The following UNC79 variants were observed in gnomAD, a reference collection of about 807,000 sequenced individuals.
UNC79 encodes the protein protein unc-79 homolog.
Under a neutral mutation model 283.1 loss-of-function variants are expected in UNC79, and 37 were observed. That is an observed-to-expected ratio of 0.13 (90% CI 0.10 to 0.17). UNC79 has a LOEUF of 0.17. Ranked by LOEUF, UNC79 falls within the 10% of genes least tolerant of loss-of-function variation. UNC79 has a pLI of 1.00. For missense variants in UNC79, 2,272 were observed against 3,211.1 expected (o/e 0.71, Z 7.07); for synonymous variants, 1,107 against 1,200.2 (o/e 0.92, Z 1.61).
intron 14 of UNC79, among the ~76,000 whole-genome samples, chr14:93,558,786 C>T (rs1453967653): frequency 1.3e-5 from 2 of 151,818 alleles, no homozygotes; most frequent in African/African-American, 2.4e-5. Context: ...TGACCCTGTT[C>T]GCTGTGCCAT....
rs112518989 is a variant in UNC79, at chr14:93,520,936, C to A, written c.899-3042C>A. Among the ~76,000 whole-genome samples, 615 of 152,042 alleles carry A rather than the reference C, an allele frequency of 4.0e-3. 2 individuals carry two copies. The highest frequency in any genetic ancestry group is 0.014 in the African/African-American group (590 of 41,514). ...CTGGTTATGAGTGACATTTTACCCC[C>A]TTTTCAAATATCAAATAATTTTGAC... On this transcript the variant is annotated intron_variant, in intron 7 of 48. Transcript: ENST00000555664.
At chr14:93,636,246 T>C (rs918972158) in intron 31 of UNC79, among the ~76,000 whole-genome samples, 2 of 152,220 alleles carry the variant, frequency 1.3e-5, no homozygotes, top group African/African-American at 4.8e-5. Context: ...TCACTCTGGT[T>C]TGCCATTTAA....
rs573860262 is a variant in UNC79, at chr14:93,507,875, T to A, written c.898+10589T>A. ...CTGTCTTAAGTTTAATTTTTGTGTA[T>A]GATGGCTATGGCTTATTGTCTTCCT... On this transcript the variant is annotated intron_variant, in intron 7 of 48. Coordinates refer to ENST00000555664, the Ensembl canonical transcript of UNC79. Among the ~76,000 whole-genome samples, 39 of 152,166 alleles carry A rather than the reference T, an allele frequency of 2.6e-4. 1 individual carries two copies. The highest frequency in any genetic ancestry group is 1.6e-4 in the Non-Finnish European group (11 of 68,024).
intron 5 of UNC79, among the ~76,000 whole-genome samples, chr14:93,494,313 G>A (rs1300991562): frequency 6.6e-6 from 1 of 152,074 alleles, no homozygotes; most frequent in East Asian, 1.9e-4. Context: ...CCTTCTGCCA[G>A]GCCCCACCTC....
rs191790748 is a variant in UNC79 at position 93,382,377 on chromosome 14, C to T, written c.-351+48854C>T. Reference sequence around the variant, plus strand: ...TTGCCTTCCCACTCCCCAAAGATGTCCAGGTCTGAATCTTCAGGACCTGTC... The same window carrying T: ...TTGCCTTCCCACTCCCCAAAGATGTTCAGGTCTGAATCTTCAGGACCTGTC... On this transcript the variant is annotated intron_variant, in intron 1 of 49. Transcript: ENST00000256339. 8.5e-5 allele frequency among the ~76,000 whole-genome samples: 13 copies of T among 152,244 alleles called. No homozygotes were observed. In the East Asian group the frequency reaches 2.3e-3, roughly 27 times the overall value.
chr14:93,559,605 A>T (rs894090714), intron 14 of UNC79, among the ~76,000 whole-genome samples: 12 of 152,090 alleles, frequency 7.9e-5, no homozygotes, highest in African/African-American at 2.7e-4. Context: ...AAGGTGCTCA[A>T]TGGGGGAGCT....
chr14:93,563,984 T>C (rs1288556984), intron 14 of UNC79, among the ~76,000 whole-genome samples: 2 of 152,142 alleles, frequency 1.3e-5, no homozygotes, highest in Non-Finnish European at 2.9e-5. Flanking sequence ...TTTGAGGGCC[T>C]CTGAAAGTAT....
Position 93,655,965 on chromosome 14 carries a change from C to T in UNC79, c.6456+558C>T, listed in dbSNP as rs373626732. Among the ~76,000 whole-genome samples, 13 of 152,244 alleles carry T rather than the reference C, an allele frequency of 8.5e-5. No individual in the cohort carries two copies. The East Asian group carries it at 2.3e-3, about 27-fold the overall frequency. ...GAGCTCAGTAAATGCAAATAAGAAG[C>T]CAATACTGTTAAAGCTGGAAGAAAC... On this transcript the variant is annotated intron_variant, in intron 38 of 48. Coordinates refer to ENST00000555664, the Ensembl canonical transcript of UNC79.
At position 93,673,244 on chromosome 14, in the gene UNC79, C is replaced by G; in HGVS notation, c.6637-107C>G. The stretch of plus-strand genomic sequence containing the variant: ...ACACTTCACTATGCATTTTTGAATA[C>G]TGTTTTTTATTTCTGACCCGTGAAT... On this transcript the variant is annotated intron_variant, in intron 40 of 48. Transcript: ENST00000555664. The G allele has an allele frequency of 9.8e-6, 9 of 921,432 alleles. No individual in the cohort carries two copies. In the South Asian group the frequency reaches 1.6e-4, roughly 16 times the overall value. 57.1% of individuals were successfully genotyped at this position (921,432 alleles called of 1,614,324 possible). A position where few individuals can be genotyped will look rare whatever the true frequency, so the allele number is the denominator to read the frequency against.
At chr14:93,693,974 G>A (rs1003781600) in intron 46 of UNC79, among the ~76,000 whole-genome samples, 1 of 152,038 alleles carries the variant, frequency 6.6e-6, no homozygotes, top group African/African-American at 2.4e-5. Flanking sequence ...ACAGACTAGC[G>A]TGATACAGAA....
chr14:93,357,294 G>A (rs1196500405), intron 1 of UNC79, among the ~76,000 whole-genome samples: 1 of 152,062 alleles, frequency 6.6e-6, no homozygotes, highest in Non-Finnish European at 1.5e-5. Context: ...GCATTGTGAT[G>A]GTCAATACTG....
intron 1 of UNC79, chr14:93,335,091 CA>C (rs1285539243): frequency 6.6e-6 from 1 of 152,208 alleles, no homozygotes; most frequent in Non-Finnish European, 1.5e-5. Flanking sequence ...CTTTTTCTAA[CA>C]GCCTTTGATG....
chr14:93,454,493 G>T (rs1046144375), intron 1 of UNC79, among the ~76,000 whole-genome samples: 1 of 152,176 alleles, frequency 6.6e-6, no homozygotes, highest in African/African-American at 2.4e-5. Flanking sequence ...GCTAGTTCAA[G>T]TGTTTCTCTT....
At chr14:93,601,704 AT>A (rs1246876013) in intron 25 of UNC79, among the ~76,000 whole-genome samples, 1 of 152,140 alleles carries the variant, frequency 6.6e-6, no homozygotes, top group Non-Finnish European at 1.5e-5. Context: ...GATTGTACCA[AT>A]TTACACTCCT....
rs139351383 is a variant in UNC79 at position 93,608,126 on chromosome 14, C to T, written c.3755-4671C>T. On this transcript the variant is annotated intron_variant, in intron 26 of 48. Coordinates refer to ENST00000555664, the Ensembl canonical transcript of UNC79. ...CCTCTCACCTCAGCCTCCCGAGTAG[C>T]TTGGATCAGAGGTGTGTGCCACAAA... 6.1e-3 allele frequency among the ~76,000 whole-genome samples: 935 copies of T among 152,288 alleles called. 7 individuals carry two copies. Among genetic ancestry groups the T allele is most frequent in the Middle Eastern group, 0.041 (12 of 294 alleles).
At chr14:93,626,197 A>G (rs1405986239) in intron 30 of UNC79, among the ~76,000 whole-genome samples, 1 of 152,146 alleles carries the variant, frequency 6.6e-6, no homozygotes, top group Non-Finnish European at 1.5e-5. Context: ...TTTCATAGCT[A>G]CTTTTCTCCC....
intron 1 of UNC79, among the ~76,000 whole-genome samples, chr14:93,452,855 T>C (rs2056687772): frequency 6.6e-6 from 1 of 152,212 alleles, no homozygotes; most frequent in African/African-American, 2.4e-5. Flanking sequence ...ATAACAATGC[T>C]ATTATAGTTA....
intron 20 of UNC79, among the ~76,000 whole-genome samples, chr14:93,585,564 A>G (rs1164835072): frequency 1.3e-5 from 2 of 152,230 alleles, no homozygotes; most frequent in African/African-American, 4.8e-5. Flanking sequence ...TTCAGTATCT[A>G]GATCAAGAGA....
At chr14:93,358,425 C>T (rs2054155375) in intron 1 of UNC79, among the ~76,000 whole-genome samples, 1 of 152,104 alleles carries the variant, frequency 6.6e-6, no homozygotes, top group Non-Finnish European at 1.5e-5. Context: ...TCTAAGATTG[C>T]CCTGAATGAG....
Sources: gnomAD v4.1 joint callset for allele counts (sites outside exome capture counted in the v4.1 genomes callset) on GRCh38, gnomAD v4.1.1 for gene constraint, MANE v1.5 for transcripts, NCBI Gene and HGNC (gene_info 2026-07-23, HGNC 2026-07-21) for gene names.